Variants in SLC37A3 observed in about 807,000 individuals in gnomAD.
SLC37A3 encodes solute carrier family 37 member 3.
In SLC37A3, 51 loss-of-function variants were observed where a neutral mutation model predicts 67.1. The observed-to-expected ratio is 0.76, with a 90% CI of 0.61 to 0.96. The LOEUF (loss-of-function observed/expected upper bound fraction) is 0.96, where lower values mean the gene tolerates loss of function less well. Among genes scored for constraint, SLC37A3 ranks in the 40% least tolerant of loss-of-function variants. The probability of loss-of-function intolerance (pLI) is 0.00; values close to 1 mark genes in which losing one functional copy is unlikely to be tolerated. For synonymous variants in SLC37A3, 214 were observed against 231.4 expected (o/e 0.92, Z 0.68); for missense variants, 508 against 603.0 (o/e 0.84, Z 1.65).
At chr7:140,388,167 T>A (rs1056317935) in intron 1 of SLC37A3, among the ~76,000 whole-genome samples, 2 of 151,610 alleles carry the variant, frequency 1.3e-5, no homozygotes, top group African/African-American at 4.8e-5. Flanking sequence ...ACATGGTGGC[T>A]CATGCCTGAA....
intron 3 of SLC37A3, among the ~76,000 whole-genome samples, chr7:140,375,275 G>T (rs1797989553): frequency 6.6e-6 from 1 of 151,442 alleles, no homozygotes; most frequent in Non-Finnish European, 1.5e-5. Flanking sequence ...TCAAGTTCGA[G>T]ACCAGCCTGG....
intron 5 of SLC37A3, among the ~76,000 whole-genome samples, chr7:140,362,264 C>T (rs1797346405): frequency 7.1e-6 from 1 of 140,094 alleles, no homozygotes; most frequent in Non-Finnish European, 1.6e-5. Flanking sequence ...AGGTGAGGAG[C>T]GTCTCTGCCC....
chr7:140,341,800 C>G (rs1365348454), intron 13 of SLC37A3, among the ~76,000 whole-genome samples: 4 of 152,086 alleles, frequency 2.6e-5, no homozygotes, highest in African/African-American at 9.7e-5. Context: ...AGAAAACATT[C>G]GTAAGGAAGG....
At position 140,360,986 on chromosome 7, in the gene SLC37A3, C is replaced by A. The variant is rs193258286; in HGVS notation, c.376-2201G>T. Reference sequence around the variant, plus strand: ...CACCCTAAGGGAAAGCAAGACTGAACCAGAAATAACCAAGCTAAGCGGCAG... The same window carrying A: ...CACCCTAAGGGAAAGCAAGACTGAAACAGAAATAACCAAGCTAAGCGGCAG... On this transcript the variant is annotated intron_variant, in intron 5 of 14. Coordinates refer to ENST00000326232, the MANE Select transcript of SLC37A3 (RefSeq NM_207113.3). 3.2e-3 allele frequency among the ~76,000 whole-genome samples: 488 copies of A among 152,088 alleles called. 13 individuals carry two copies. The South Asian group carries it at 0.049, about 15-fold the overall frequency.
chr7:140,395,691 G>A (rs1798897396), intron 1 of SLC37A3, among the ~76,000 whole-genome samples: 1 of 151,990 alleles, frequency 6.6e-6, no homozygotes, highest in Admixed American at 6.6e-5. Context: ...CTGGGCAACA[G>A]AGCAAGACTC....
intron 13 of SLC37A3, among the ~76,000 whole-genome samples, chr7:140,338,561 TC>T (rs1440793120): frequency 9.9e-5 from 15 of 152,088 alleles, no homozygotes; most frequent in African/African-American, 3.6e-4. Context: ...AACCTCTGTC[TC>T]CCAGGTTCCA....
chr7:140,347,127 G>C (rs7802302), intron 10 of SLC37A3, among the ~76,000 whole-genome samples: 61,780 of 150,548 alleles, frequency 0.41, 12,947 homozygotes, highest in Middle Eastern at 0.51. Flanking sequence ...GCTGGGTGTG[G>C]TGGTGCATGA....
At position 140,351,401 on chromosome 7, in the gene SLC37A3, G is replaced by A; in HGVS notation, c.754C>T (p.Pro252Ser). 6.2e-7 allele frequency: 1 copy of A among 1,614,096 alleles called. No homozygotes were observed. Among genetic ancestry groups the A allele is most frequent in the Non-Finnish European group, 8.5e-7 (1 of 1,180,012 alleles). Reference protein sequence around the residue: ...EENFEEDSHRPLINGGENEDE... With the variant: ...EENFEEDSHRSLINGGENEDE... ...TCATTTTCACCACCATTAATTAATG[G>A]CCTGTGTGAGTCTTCTTCAAAGTTT... is the stretch of plus-strand genomic sequence containing the variant. Residue 252 changes from proline to serine, a missense_variant, in exon 9 of 15, where the codon CCA (proline) becomes TCA (serine). Coordinates refer to ENST00000326232, the MANE Select transcript of SLC37A3 (RefSeq NM_207113.3).
intron 1 of SLC37A3, among the ~76,000 whole-genome samples, chr7:140,393,897 G>A (rs1392838626): frequency 6.6e-6 from 1 of 152,154 alleles, no homozygotes; most frequent in East Asian, 1.9e-4. Flanking sequence ...TGGGCCGGGC[G>A]CGATGGCTCA....
rs1305482675 is a variant in SLC37A3, at chr7:140,364,423, G to A, written c.360C>T (p.Cys120=). The A allele has an allele frequency of 2.5e-6, 4 of 1,613,718 alleles. No individual in the cohort carries two copies. ...NLRWVLSFGM[C]SSALVVFVFG... ...TTCAACTTACCACTAATGCAGAAGA[G>A]CACATGCCAAAAGACAGAACCCATC... Residue 120 remains cysteine, a synonymous_variant, in exon 5 of 15, where the codon TGC becomes TGT. Transcript: ENST00000326232.
intron 3 of SLC37A3, among the ~76,000 whole-genome samples, chr7:140,378,354 G>A (rs1268978880): frequency 6.6e-6 from 1 of 152,180 alleles, no homozygotes; most frequent in Non-Finnish European, 1.5e-5. Flanking sequence ...AGCAGAAGCT[G>A]GATGATTATC....
intron 4 of SLC37A3, 134 bp from the exon 5 acceptor site, chr7:140,364,625 G>C: frequency 1.4e-6 from 1 of 737,258 alleles, no homozygotes; most frequent in Non-Finnish European, 2.1e-6. Flanking sequence ...GAGGCTACCT[G>C]TCTACAGGAG....
At chr7:140,376,726 G>A (rs983382575) in intron 3 of SLC37A3, among the ~76,000 whole-genome samples, 1 of 152,164 alleles carries the variant, frequency 6.6e-6, no homozygotes, top group Non-Finnish European at 1.5e-5. Context: ...AGCAGAACAC[G>A]TTTATGTGGG....
At chr7:140,339,494 C>T (rs1796272179) in intron 13 of SLC37A3, among the ~76,000 whole-genome samples, 1 of 152,068 alleles carries the variant, frequency 6.6e-6, no homozygotes, top group African/African-American at 2.4e-5. Flanking sequence ...CTCCTGACCT[C>T]AAGTGATCTG....
chr7:140,341,399 C>T (rs1365862006), intron 13 of SLC37A3, among the ~76,000 whole-genome samples: 3 of 152,016 alleles, frequency 2.0e-5, no homozygotes, highest in Non-Finnish European at 4.4e-5. Flanking sequence ...ACCTTTACAC[C>T]GTGACAGGTG....
chr7:140,353,104 C>T (rs1796879042), intron 7 of SLC37A3, among the ~76,000 whole-genome samples: 1 of 152,086 alleles, frequency 6.6e-6, no homozygotes, highest in African/African-American at 2.4e-5. Context: ...AATGTATCTA[C>T]CTTTTAAAAG....
At chr7:140,359,928 C>T (rs556446880) in intron 5 of SLC37A3, among the ~76,000 whole-genome samples, 1 of 152,088 alleles carries the variant, frequency 6.6e-6, no homozygotes, top group African/African-American at 2.4e-5. Context: ...AAAGTCTGTA[C>T]ACAGGTTTTA....
At position 140,348,753 on chromosome 7, in the gene SLC37A3, G is replaced by A. The variant is rs199645143; in HGVS notation, c.897C>T (p.Tyr299=). 61 of 1,614,132 alleles carry A rather than the reference G, an allele frequency of 3.8e-5. No homozygotes were observed. In the South Asian group the frequency reaches 4.3e-4, roughly 11 times the overall value. ...LPGVIPYSLA[Y]ACLKLVNYSF... is the part of the protein sequence containing the mutation. ...AGTAATTCACTAACTTCAAGCAGGC[G>A]TAGGCCAGTGAGTACTACAAGAAAA... Residue 299 remains tyrosine, a synonymous_variant, in exon 10 of 15, where the codon TAC becomes TAT. Coordinates refer to ENST00000326232, the MANE Select transcript of SLC37A3 (RefSeq NM_207113.3).
At chr7:140,376,841 A>G (rs1000852455) in intron 3 of SLC37A3, among the ~76,000 whole-genome samples, 13 of 151,866 alleles carry the variant, frequency 8.6e-5, no homozygotes, top group African/African-American at 2.9e-4. Flanking sequence ...TGGCACAACC[A>G]TGGCTCACTG....
Sources: gnomAD v4.1 joint callset for allele counts (sites outside exome capture counted in the v4.1 genomes callset) on GRCh38, gnomAD v4.1.1 for gene constraint, MANE v1.5 for transcripts, NCBI Gene and HGNC (gene_info 2026-07-23, HGNC 2026-07-21) for gene names.